Variants in SLC25A25 observed in about 807,000 individuals in gnomAD.
SLC25A25 encodes mitochondrial adenyl nucleotide antiporter SLC25A25.
Under a neutral mutation model 57.7 loss-of-function variants are expected in SLC25A25, and 32 were observed. That is an observed-to-expected ratio of 0.55 (90% CI 0.42 to 0.74). The LOEUF is 0.74. SLC25A25 is among the 30% of genes least tolerant of loss of function. SLC25A25 has a pLI of 0.00. For synonymous variants in SLC25A25, 306 were observed against 291.2 expected (o/e 1.05, Z -0.52); for missense variants, 556 against 701.3 (o/e 0.79, Z 2.34).
At chr9:128,070,536 C>A (rs1337455382) in intron 1 of SLC25A25, among the ~76,000 whole-genome samples, 1 of 151,952 alleles carries the variant, frequency 6.6e-6, no homozygotes, top group African/African-American at 2.4e-5. Context: ...CCACCGCACC[C>A]GGCTAGAGAC....
chr9:128,085,672 C>G (rs1833259218), intron 1 of SLC25A25, among the ~76,000 whole-genome samples: 1 of 151,842 alleles, frequency 6.6e-6, no homozygotes. Context: ...ACTGAAGTCA[C>G]TGATTTTGAG....
intron 6 of SLC25A25, 65 bp from the exon 7 acceptor site, chr9:128,105,664 T>G: frequency 6.2e-7 from 1 of 1,610,620 alleles, no homozygotes; most frequent in Non-Finnish European, 8.5e-7. Context: ...CAGCAGAGGC[T>G]CTTGGCCGGG....
rs1305359007 is a variant in SLC25A25 at position 128,107,656 on chromosome 9, A to G, written c.*212A>G. The G allele has an allele frequency of 2.1e-6, 1 of 480,078 alleles. No individual in the cohort carries two copies. Among genetic ancestry groups the G allele is most frequent in the East Asian group, 3.2e-5 (1 of 31,172 alleles). The allele number at this position is 480,078 out of a possible 1,614,324, so 29.7% of individuals were successfully genotyped here. On this transcript the variant is annotated 3_prime_UTR_variant, in exon 11 of 11. Coordinates refer to ENST00000373069, the MANE Select transcript of SLC25A25 (RefSeq NM_001330988.2). ...GACCCTCCTGTTGGTTCCAGCGAAG[A>G]CCACAGGCATTCCTTAGGGTCCAGG... is the stretch of plus-strand genomic sequence containing the variant.
chr9:128,081,132 T>A (rs1833147615), intron 1 of SLC25A25, among the ~76,000 whole-genome samples: 1 of 152,220 alleles, frequency 6.6e-6, no homozygotes, highest in South Asian at 2.1e-4. Context: ...GAGAGCTGGC[T>A]TGGTTTAAAC....
At position 128,103,057 on chromosome 9, in the gene SLC25A25, G is replaced by A. The variant is rs1261866780; in HGVS notation, c.624+576G>A. Among the ~76,000 whole-genome samples, 2 of 152,182 alleles carry A rather than the reference G, an allele frequency of 1.3e-5. No homozygotes were observed. Among genetic ancestry groups the A allele is most frequent in the Admixed American group, 6.5e-5 (1 of 15,288 alleles). ...CTGGACCATCCGCTCCAGGAGGGGA[G>A]GCCAGAGGCGCTCCTCATCTGCCTC... On this transcript the variant is annotated intron_variant, in intron 5 of 10. Coordinates refer to ENST00000373069, the MANE Select transcript of SLC25A25 (RefSeq NM_001330988.2). The surrounding 1 kb of genome is among the most constrained non-coding windows in gnomAD (Gnocchi z 6.7).
At chr9:128,100,769 G>C (rs755664820) in intron 1 of SLC25A25, 5 of 313,270 alleles carry the variant, frequency 1.6e-5, no homozygotes, top group Non-Finnish European at 3.0e-5. Flanking sequence ...ACGGCACGCA[G>C]GTCTTCAGAC....
chr9:128,098,805 A>G (rs1414030748), intron 1 of SLC25A25: 4 of 1,553,948 alleles, frequency 2.6e-6, no homozygotes, highest in Middle Eastern at 1.7e-4. Context: ...TGCATGAACC[A>G]TCCCCCACTG....
chr9:128,104,082 G>T (rs1379018067), intron 6 of SLC25A25, among the ~76,000 whole-genome samples: 1 of 152,170 alleles, frequency 6.6e-6, no homozygotes, highest in African/African-American at 2.4e-5. Flanking sequence ...ATGTGGACAG[G>T]TGAAGCTAGC....
intron 1 of SLC25A25, chr9:128,091,961 G>T: frequency 6.2e-7 from 1 of 1,613,932 alleles, no homozygotes; most frequent in African/African-American, 1.3e-5. Flanking sequence ...TGAAGTCAGA[G>T]GCACCCCAGC....
chr9:128,070,822 A>G (rs1206922827), intron 1 of SLC25A25, among the ~76,000 whole-genome samples: 1 of 151,860 alleles, frequency 6.6e-6, no homozygotes, highest in East Asian at 2.0e-4. Context: ...GTGGTGGCGC[A>G]TGCCTGTAAT....
At position 128,101,597 on chromosome 9, in the gene SLC25A25, C is replaced by A. The variant is rs972496526; in HGVS notation, c.476+201C>A. ...TTTCATTGGAAGAATCACAGATCAC[C>A]TGGAATTTTGCCCATCGGCCAGTGG... On this transcript the variant is annotated intron_variant, in intron 3 of 10. Coordinates refer to ENST00000373069, the MANE Select transcript of SLC25A25 (RefSeq NM_001330988.2). This position sits in a 1 kb window ranked among gnomAD's most constrained non-coding sequence, Gnocchi z 4.9. Among the ~76,000 whole-genome samples the A allele has an allele frequency of 8.6e-5, 13 of 151,122 alleles. No homozygotes were observed. The highest frequency in any genetic ancestry group is 1.6e-4 in the Non-Finnish European group (11 of 67,930).
rs143959102 is a variant in SLC25A25 at position 128,086,323 on chromosome 9, G to A, written c.262-14773G>A. The stretch of plus-strand genomic sequence containing the variant: ...ACTACAGGTGTGAGCCACTATACTC[G>A]GCTAATTTTTTTTTTTTTTTTTTTT... On this transcript the variant is annotated intron_variant, in intron 1 of 10. Coordinates refer to ENST00000373069, the MANE Select transcript of SLC25A25 (RefSeq NM_001330988.2). Among the ~76,000 whole-genome samples, 77 of 128,406 alleles carry A rather than the reference G, an allele frequency of 6.0e-4. No individual in the cohort carries two copies. The East Asian group carries it at 0.012, about 19-fold the overall frequency. 84.2% of individuals were successfully genotyped at this position (128,406 alleles called of 152,430 possible).
chr9:128,099,966 T>C lies in SLC25A25; in HGVS notation c.262-1130T>C, dbSNP rs1247622098. 1.3e-5 allele frequency among the ~76,000 whole-genome samples: 2 copies of C among 152,122 alleles called. No homozygotes were observed. Among genetic ancestry groups the C allele is most frequent in the African/African-American group, 4.8e-5 (2 of 41,412 alleles). On this transcript the variant is annotated intron_variant, in intron 1 of 10. Transcript: ENST00000373069. This position sits in a 1 kb window ranked among gnomAD's most constrained non-coding sequence, Gnocchi z 6.8. ...GTTTTGGGTTCCGGATTCAGGGCGT[T>C]GCTGAGTTGGGGTGACTCACTTTCA...
rs552333343 is a variant in SLC25A25, at chr9:128,085,943, C to A, written c.262-15153C>A. On this transcript the variant is annotated intron_variant, in intron 1 of 10. Transcript: ENST00000373069. ...CTGGTCTTGAACTCCTGGCCTCAAG[C>A]GATCCTCCCACCTCAGCCTCCCTAG... 1.6e-3 allele frequency among the ~76,000 whole-genome samples: 250 copies of A among 151,798 alleles called. 2 individuals carry two copies. Among genetic ancestry groups the A allele is most frequent in the Non-Finnish European group, 2.5e-3 (167 of 67,914 alleles).
At chr9:128,088,478 G>A (rs543230747) in intron 1 of SLC25A25, among the ~76,000 whole-genome samples, 4 of 152,312 alleles carry the variant, frequency 2.6e-5, no homozygotes, top group African/African-American at 9.6e-5. Flanking sequence ...GGCCTCCCCA[G>A]CCTCTCAGCC....
At chr9:128,082,678 G>A (rs953065966) in intron 1 of SLC25A25, among the ~76,000 whole-genome samples, 7 of 152,032 alleles carry the variant, frequency 4.6e-5, no homozygotes, top group Non-Finnish European at 1.0e-4. Flanking sequence ...AGACAGTCTC[G>A]CTCTTTGCCC....
chr9:128,099,026 G>C lies in SLC25A25; in HGVS notation c.262-2070G>C. On this transcript the variant is annotated intron_variant, in intron 1 of 10. Transcript: ENST00000373069. The surrounding 1 kb of genome is among the most constrained non-coding windows in gnomAD (Gnocchi z 6.8). ...TTCCTGAGAAGTACAGAGCCAGAAA[G>C]GGACCTGGGGGGCAGGCCAGTAGTG... 1 of 985,454 alleles carries C rather than the reference G, an allele frequency of 1.0e-6. No homozygotes were observed. The allele number at this position is 985,454 out of a possible 1,614,324, so 61.0% of individuals were successfully genotyped here.
rs1833780808 is a variant in SLC25A25 at position 128,101,244 on chromosome 9, G to A, written c.388+22G>A. 6.2e-7 allele frequency: 1 copy of A among 1,614,278 alleles called. No individual in the cohort carries two copies. ...GATGGTAAGTGTTGCCTTCAGAGCT[G>A]TGGCCGGTCCAGCCTCGGGCCTCCC... is the stretch of plus-strand genomic sequence containing the variant. On this transcript the variant is annotated intron_variant, in intron 2 of 10. Transcript: ENST00000373069. The surrounding 1 kb of genome is among the most constrained non-coding windows in gnomAD (Gnocchi z 4.9).
chr9:128,076,461 TA>T (rs758871418), intron 1 of SLC25A25, among the ~76,000 whole-genome samples: 24,570 of 136,864 alleles, frequency 0.18, 2,472 homozygotes, highest in African/African-American at 0.29. Flanking sequence ...TTTTTATTTT[TA>T]TTTTTATTTT....
Sources: gnomAD v4.1 joint callset for allele counts (sites outside exome capture counted in the v4.1 genomes callset) on GRCh38, gnomAD v4.1.1 for gene constraint, Gnocchi (gnomAD v3.1) non-coding constraint, MANE v1.5 for transcripts, NCBI Gene and HGNC (gene_info 2026-07-23, HGNC 2026-07-21) for gene names.